The following NOS1AP variants were observed in gnomAD, a reference collection of about 807,000 sequenced individuals.
NOS1AP encodes the protein nitric oxide synthase 1 adaptor protein.
Under a neutral mutation model 56.2 loss-of-function variants are expected in NOS1AP, and 21 were observed. That is an observed-to-expected ratio of 0.37 (90% CI 0.26 to 0.54). NOS1AP has a LOEUF of 0.54. Among genes scored for constraint, NOS1AP ranks in the 20% least tolerant of loss-of-function variants. The pLI is 0.84. For missense variants in NOS1AP, 522 were observed against 657.8 expected (o/e 0.79, Z 2.26); for synonymous variants, 270 against 274.6 (o/e 0.98, Z 0.17).
In NOS1AP at chr1:162,355,196, T is replaced by C; in HGVS notation, c.605T>C (p.Leu202Pro). 6.2e-7 allele frequency: 1 copy of C among 1,614,116 alleles called. No homozygotes were observed. ...SNSSGDPGRQ[L>P]TGAERASTAT... ...CCTGTTGTTCCTGCAGGCCGCCAGC[T>C]CACTGGAGCCGAGAGGGCCTCCACG... is the stretch of plus-strand genomic sequence containing the variant. The change falls in exon 7 of 10, where the codon CTC becomes CCC. Residue 202 changes from leucine (L) to proline (P), a missense_variant. Coordinates refer to ENST00000361897, the MANE Select transcript of NOS1AP (RefSeq NM_014697.3).
chr1:162,343,771 G>A (rs565922832), intron 5 of NOS1AP, 64 bp from the exon 6 acceptor site: 1 of 1,589,318 alleles, frequency 6.3e-7, no homozygotes, highest in Admixed American at 1.7e-5. Context: ...TGCTTCATGA[G>A]TTTCTATCCA....
At chr1:162,144,652 C>T (rs535247313) in intron 1 of NOS1AP, among the ~76,000 whole-genome samples, 8 of 152,164 alleles carry the variant, frequency 5.3e-5, no homozygotes, top group Non-Finnish European at 1.0e-4. Flanking sequence ...GCAGAAAGTG[C>T]TGCCGGCCCA....
intron 2 of NOS1AP, among the ~76,000 whole-genome samples, chr1:162,189,080 TA>T (rs1651537202): frequency 6.6e-6 from 1 of 151,334 alleles, no homozygotes; most frequent in Admixed American, 6.6e-5. Flanking sequence ...AATAAATAAA[TA>T]AAAAGATTAT....
chr1:162,110,259 T>C (rs1415624167), intron 1 of NOS1AP, among the ~76,000 whole-genome samples: 1 of 151,926 alleles, frequency 6.6e-6, no homozygotes, highest in Non-Finnish European at 1.5e-5. Context: ...CTAAGTTATA[T>C]GTAGACCACT....
rs530506029 is a variant in NOS1AP, at chr1:162,142,480, T to G, written c.106-11925T>G. 2.1e-5 allele frequency among the ~76,000 whole-genome samples: 3 copies of G among 146,028 alleles called. No individual in the cohort carries two copies. In the East Asian group the frequency reaches 5.8e-4, roughly 28 times the overall value. The stretch of plus-strand genomic sequence containing the variant: ...GTATTGGATTTTGTCAAATGTGGGG[T>G]TTTTTTTGTCTGTTGAGATGAACAT... On this transcript the variant is annotated intron_variant, in intron 1 of 9. Transcript: ENST00000361897.
At chr1:162,292,024 T>C (rs1458090313) in intron 3 of NOS1AP, among the ~76,000 whole-genome samples, 3 of 152,218 alleles carry the variant, frequency 2.0e-5, no homozygotes, top group Non-Finnish European at 2.9e-5. Context: ...TAGTTTCTCT[T>C]ATGAACCAAT....
intron 1 of NOS1AP, among the ~76,000 whole-genome samples, chr1:162,113,870 G>A (rs1176691745): frequency 6.6e-6 from 1 of 152,024 alleles, no homozygotes; most frequent in Admixed American, 6.6e-5. Context: ...CCACAGTAGA[G>A]CACTTGCCTC....
rs188107511 is a variant in NOS1AP, at chr1:162,321,422, A to C, written c.345-11595A>C. 3.4e-3 allele frequency among the ~76,000 whole-genome samples: 513 copies of C among 152,266 alleles called. 3 individuals carry two copies. The highest frequency in any genetic ancestry group is 0.011 in the African/African-American group (476 of 41,536). ...TGATGAGTTCATGTCCATTGTAGGG[A>C]CATGGATGGAGCTGGAAACCATCAT... On this transcript the variant is annotated intron_variant, in intron 4 of 9. Transcript: ENST00000361897.
intron 5 of NOS1AP, among the ~76,000 whole-genome samples, chr1:162,336,291 G>A (rs972159762): frequency 1.3e-5 from 2 of 152,126 alleles, no homozygotes; most frequent in Admixed American, 1.3e-4. Context: ...GGGGCCTAAA[G>A]GTACATAATG....
chr1:162,134,911 G>GC (rs894137672), intron 1 of NOS1AP, among the ~76,000 whole-genome samples: 101 of 152,282 alleles, frequency 6.6e-4, no homozygotes, highest in Non-Finnish European at 1.1e-3. Flanking sequence ...TATCTCATCT[G>GC]GCAGAGGACT....
intron 6 of NOS1AP, among the ~76,000 whole-genome samples, chr1:162,344,708 C>A (rs1156706473): frequency 1.4e-3 from 192 of 135,000 alleles, no homozygotes; most frequent in Middle Eastern, 4.4e-3. Flanking sequence ...TAGGCTGCCT[C>A]AAAAAAAAAA....
chr1:162,318,246 CAT>C (rs1291724442), intron 4 of NOS1AP, among the ~76,000 whole-genome samples: 7 of 152,198 alleles, frequency 4.6e-5, no homozygotes, highest in Non-Finnish European at 8.8e-5. Flanking sequence ...TCAAACCCAC[CAT>C]CCTGTCTTGC....
chr1:162,300,169 C>G (rs530742447), intron 3 of NOS1AP, among the ~76,000 whole-genome samples: 45 of 152,326 alleles, frequency 3.0e-4, no homozygotes, highest in Admixed American at 4.6e-4. Context: ...AATGGCCCCC[C>G]ACACTGGGGT....
At chr1:162,194,988 G>T (rs542850622) in intron 2 of NOS1AP, among the ~76,000 whole-genome samples, 3 of 152,100 alleles carry the variant, frequency 2.0e-5, no homozygotes, top group Non-Finnish European at 4.4e-5. Context: ...TATGAGGTTT[G>T]TCTGGACTAG....
intron 2 of NOS1AP, among the ~76,000 whole-genome samples, chr1:162,245,140 C>G (rs1368127021): frequency 1.3e-5 from 2 of 151,874 alleles, no homozygotes; most frequent in African/African-American, 4.8e-5. Context: ...AACATTCCTG[C>G]CTAAGGACTT....
chr1:162,178,662 A>G (rs746531851), intron 2 of NOS1AP, among the ~76,000 whole-genome samples: 1 of 152,162 alleles, frequency 6.6e-6, no homozygotes, highest in Non-Finnish European at 1.5e-5. Flanking sequence ...CCAGCATATA[A>G]CAGAAGGTGG....
chr1:162,320,332 C>A (rs1242815345), intron 4 of NOS1AP, among the ~76,000 whole-genome samples: 1 of 152,198 alleles, frequency 6.6e-6, no homozygotes, highest in Non-Finnish European at 1.5e-5. Context: ...CATTTCTCCA[C>A]CCTTTGTGGA....
chr1:162,109,540 G>A (rs1029430071), intron 1 of NOS1AP, among the ~76,000 whole-genome samples: 2 of 152,054 alleles, frequency 1.3e-5, no homozygotes, highest in African/African-American at 4.8e-5. Context: ...CTGTGTTGGT[G>A]GTGACTGAAA....
intron 2 of NOS1AP, among the ~76,000 whole-genome samples, chr1:162,225,416 C>T (rs1291157310): frequency 6.6e-6 from 1 of 152,244 alleles, no homozygotes; most frequent in Non-Finnish European, 1.5e-5. Flanking sequence ...CATCACTCAC[C>T]TTCCTGAGCC....
Sources: gnomAD v4.1 joint callset for allele counts (sites outside exome capture counted in the v4.1 genomes callset) on GRCh38, gnomAD v4.1.1 for gene constraint, MANE v1.5 for transcripts, NCBI Gene and HGNC (gene_info 2026-07-23, HGNC 2026-07-21) for gene names.